The following STRN variants were observed in gnomAD, a reference collection of about 807,000 sequenced individuals.
STRN encodes the protein striatin.
STRN carries 53 observed loss-of-function variants against 96.3 expected under a neutral mutation model. The observed-to-expected ratio is 0.55, with a 90% CI of 0.44 to 0.69. The LOEUF (loss-of-function observed/expected upper bound fraction) is 0.69, where lower values mean the gene tolerates loss of function less well. Among genes scored for constraint, STRN ranks in the 30% least tolerant of loss-of-function variants. The pLI, the probability that STRN is intolerant of heterozygous loss-of-function variation, is 0.00. For missense variants in STRN, 987 were observed against 963.9 expected (o/e 1.02, Z -0.32); for synonymous variants, 428 against 355.9 (o/e 1.20, Z -2.28).
At chr2:36,888,474 G>C (rs1461230308) in intron 7 of STRN, among the ~76,000 whole-genome samples, 1 of 152,006 alleles carries the variant, frequency 6.6e-6, no homozygotes, top group Non-Finnish European at 1.5e-5. Flanking sequence ...AATTTCTCAG[G>C]CATGCCAGGG....
At chr2:36,906,229 C>A (rs1274946478) in intron 3 of STRN, among the ~76,000 whole-genome samples, 1 of 152,082 alleles carries the variant, frequency 6.6e-6, no homozygotes, top group East Asian at 1.9e-4. Context: ...TTTGGGAGGC[C>A]AAGGCAGGTG....
chr2:36,888,023 T>C (rs1035016703), intron 7 of STRN, among the ~76,000 whole-genome samples: 5 of 152,148 alleles, frequency 3.3e-5, no homozygotes, highest in Non-Finnish European at 5.9e-5. Context: ...TCTCTCCCCA[T>C]CCAATCTGTT....
At chr2:36,917,624 A>G (rs1471753911) in intron 2 of STRN, among the ~76,000 whole-genome samples, 1 of 151,948 alleles carries the variant, frequency 6.6e-6, no homozygotes, top group Non-Finnish European at 1.5e-5. Context: ...AATCTTTCTT[A>G]TTTTGCAATA....
At chr2:36,906,101 T>A (rs1669811962) in intron 3 of STRN, among the ~76,000 whole-genome samples, 2 of 152,194 alleles carry the variant, frequency 1.3e-5, no homozygotes, top group African/African-American at 4.8e-5. Context: ...ACACATTGCA[T>A]GCCTCTATCA....
intron 1 of STRN, among the ~76,000 whole-genome samples, chr2:36,932,019 C>T (rs1031523524): frequency 2.0e-5 from 3 of 152,134 alleles, no homozygotes; most frequent in African/African-American, 7.2e-5. Flanking sequence ...CAGGGTCTTG[C>T]TATGTTGCCA....
intron 14 of STRN, among the ~76,000 whole-genome samples, chr2:36,856,765 T>C (rs1349278393): frequency 6.6e-6 from 1 of 152,218 alleles, no homozygotes; most frequent in Admixed American, 6.5e-5. Context: ...ATATTGGAGA[T>C]ACGGCCTGGC....
At chr2:36,948,159 T>C (rs1467710876) in intron 1 of STRN, among the ~76,000 whole-genome samples, 1 of 136,396 alleles carries the variant, frequency 7.3e-6, no homozygotes, top group Non-Finnish European at 1.5e-5. Context: ...TGGAGTAAAG[T>C]GATGTGATCT....
chr2:36,902,369 T>C (rs1351201365), intron 5 of STRN, among the ~76,000 whole-genome samples: 2 of 152,176 alleles, frequency 1.3e-5, no homozygotes, highest in Middle Eastern at 3.2e-3. Context: ...TAAATATCTG[T>C]ATTAAATAAA....
At chr2:36,960,585 CTTAAT>C (rs1412866173) in intron 1 of STRN, among the ~76,000 whole-genome samples, 4 of 152,126 alleles carry the variant, frequency 2.6e-5, no homozygotes, top group Non-Finnish European at 5.9e-5. Flanking sequence ...TTTAAATTAT[CTTAAT>C]TTAATTCTCA....
rs745506504 is a variant in STRN, at chr2:36,950,213, GTT to G, written c.234+16015_234+16016del. Among the ~76,000 whole-genome samples the G allele has an allele frequency of 5.8e-3, 628 of 109,020 alleles. 5 individuals carry two copies. Among genetic ancestry groups the G allele is most frequent in the African/African-American group, 0.021 (592 of 28,730 alleles). The allele number at this position is 109,020 out of a possible 152,430, so 71.5% of individuals were successfully genotyped here. The stretch of plus-strand genomic sequence containing the variant: ...GTTACTGGTTGGTTGGTTTGGTTTT[GTT>G]TTTTTTTTTTTTTTTTTTGAGACTG... On this transcript the variant is annotated intron_variant, in intron 1 of 17. Transcript: ENST00000263918.
chr2:36,898,418 AG>A (rs1164585347), intron 6 of STRN, among the ~76,000 whole-genome samples: 1 of 152,256 alleles, frequency 6.6e-6, no homozygotes, highest in Non-Finnish European at 1.5e-5. Context: ...TTTCCAAGGC[AG>A]GGCTTTACCA....
intron 9 of STRN, among the ~76,000 whole-genome samples, chr2:36,881,324 T>C (rs868548021): frequency 4.6e-5 from 7 of 152,172 alleles, no homozygotes; most frequent in Middle Eastern, 3.4e-3. Flanking sequence ...GACAGGGTTT[T>C]GCCATGTTGG....
chr2:36,930,322 C>CTCAGGAGGCTGAGACAGGAAAATTGCTTG (rs1670538367), intron 1 of STRN, among the ~76,000 whole-genome samples: 4 of 151,866 alleles, frequency 2.6e-5, no homozygotes, highest in Non-Finnish European at 5.9e-5. Flanking sequence ...GTCCCAGCTA[C>CTCAGGAGGCTGAGACAGGAAAATTGCTTG]TCAGGAGGCT....
At chr2:36,953,368 T>C (rs1664805936) in intron 1 of STRN, among the ~76,000 whole-genome samples, 1 of 152,098 alleles carries the variant, frequency 6.6e-6, no homozygotes, top group Non-Finnish European at 1.5e-5. Flanking sequence ...TTTTCTAATA[T>C]TCTAATATTC....
chr2:36,940,240 G>T (rs1256116665), intron 1 of STRN, among the ~76,000 whole-genome samples: 1 of 151,970 alleles, frequency 6.6e-6, no homozygotes. Context: ...AGTAATAGAA[G>T]AAATATAAGA....
intron 1 of STRN, among the ~76,000 whole-genome samples, chr2:36,943,386 CTATA>C (rs72109513): frequency 1.1e-4 from 17 of 148,908 alleles, no homozygotes; most frequent in African/African-American, 3.7e-4. Flanking sequence ...GGGACTAGAA[CTATA>C]TATATATATA....
intron 2 of STRN, among the ~76,000 whole-genome samples, chr2:36,923,774 A>T (rs566015666): frequency 1.3e-5 from 2 of 152,342 alleles, no homozygotes; most frequent in South Asian, 2.1e-4. Context: ...AAGCATCATT[A>T]AAAACAAAGC....
chr2:36,902,121 C>T (rs774561403), intron 5 of STRN, among the ~76,000 whole-genome samples: 9 of 152,098 alleles, frequency 5.9e-5, no homozygotes, highest in Non-Finnish European at 8.8e-5. Context: ...TTCACACTTA[C>T]GCTGTCACTT....
At chr2:36,929,842 G>C (rs200082151) in intron 1 of STRN, among the ~76,000 whole-genome samples, 1 of 152,130 alleles carries the variant, frequency 6.6e-6, no homozygotes, top group Non-Finnish European at 1.5e-5. Context: ...GGAATATAAA[G>C]AGCATTCACT....
Sources: allele counts gnomAD v4.1 joint callset (sites outside exome capture counted in the v4.1 genomes callset), GRCh38; gene constraint gnomAD v4.1.1; transcripts MANE v1.5; gene names NCBI Gene and HGNC (gene_info 2026-07-23, HGNC 2026-07-21).